Variants in DOK6 observed in about 807,000 individuals in gnomAD.
The protein encoded by DOK6 is downstream of tyrosine kinase 6.
DOK6 carries 22 observed loss-of-function variants against 44.0 expected under a neutral mutation model. The observed-to-expected ratio is 0.50, with a 90% CI of 0.36 to 0.71. The LOEUF is 0.71. Ranked by LOEUF, DOK6 falls within the 30% of genes least tolerant of loss-of-function variation. DOK6 has a pLI of 0.00. For synonymous variants in DOK6, 166 were observed against 145.5 expected (o/e 1.14, Z -1.01); for missense variants, 340 against 416.4 (o/e 0.82, Z 1.60).
chr18:69,548,988 G>A (rs1013681805), intron 1 of DOK6, among the ~76,000 whole-genome samples: 1 of 150,588 alleles, frequency 6.6e-6, no homozygotes. Flanking sequence ...CCAGCTACTC[G>A]GGAGGCTGAG....
chr18:69,547,164 G>T lies in DOK6; in HGVS notation c.67-17323G>T, dbSNP rs998913644. On this transcript the variant is annotated intron_variant, in intron 1 of 7. Transcript: ENST00000382713. ...TTGCCAGGCTGGAGTGCAGTGGTGT[G>T]ATCTTGGCTCACTGCAACCTCTGCC... 2.0e-5 allele frequency among the ~76,000 whole-genome samples: 3 copies of T among 151,574 alleles called. 1 individual carries two copies. Among genetic ancestry groups the T allele is most frequent in the Non-Finnish European group, 4.4e-5 (3 of 67,760 alleles).
chr18:69,665,654 A>C (rs1858438606), intron 3 of DOK6, among the ~76,000 whole-genome samples: 1 of 152,224 alleles, frequency 6.6e-6, no homozygotes, highest in Non-Finnish European at 1.5e-5. Context: ...CTAGAAGCTC[A>C]AGGATGATTT....
At chr18:69,719,571 G>A (rs995196509) in intron 5 of DOK6, among the ~76,000 whole-genome samples, 20 of 152,158 alleles carry the variant, frequency 1.3e-4, no homozygotes, top group Non-Finnish European at 1.5e-5. Flanking sequence ...CTGCATCTTA[G>A]CAGATTTCAG....
At chr18:69,757,378 A>G (rs11662706) in intron 6 of DOK6, among the ~76,000 whole-genome samples, 3,670 of 152,314 alleles carry the variant, frequency 0.024, 77 homozygotes, top group South Asian at 0.092. Flanking sequence ...TTATTTTACA[A>G]CTCTGTAAAT....
intron 1 of DOK6, among the ~76,000 whole-genome samples, chr18:69,464,304 G>T (rs571615733): frequency 2.0e-5 from 3 of 152,296 alleles, no homozygotes; most frequent in African/African-American, 4.8e-5. Context: ...CTTGGCAAAA[G>T]CTTGTCTGGG....
At chr18:69,428,898 A>T (rs987378038) in intron 1 of DOK6, among the ~76,000 whole-genome samples, 1 of 152,248 alleles carries the variant, frequency 6.6e-6, no homozygotes, top group Non-Finnish European at 1.5e-5. Context: ...ATCATCATTC[A>T]TGTTTATTAG....
intron 1 of DOK6, among the ~76,000 whole-genome samples, chr18:69,555,254 T>C (rs1392286590): frequency 6.6e-6 from 1 of 152,228 alleles, no homozygotes; most frequent in Non-Finnish European, 1.5e-5. Flanking sequence ...ACATGAATAT[T>C]AAGGATCCAC....
intron 1 of DOK6, among the ~76,000 whole-genome samples, chr18:69,513,250 A>G (rs565871351): frequency 6.6e-6 from 1 of 152,364 alleles, no homozygotes; most frequent in African/African-American, 2.4e-5. Flanking sequence ...GATTGTTGCC[A>G]TGTTTTAGAA....
intron 6 of DOK6, among the ~76,000 whole-genome samples, chr18:69,750,257 A>G (rs2144747917): frequency 6.6e-6 from 1 of 152,042 alleles, no homozygotes; most frequent in East Asian, 1.9e-4. Context: ...GATGGAGGTG[A>G]GGTTGAACAT....
intron 3 of DOK6, among the ~76,000 whole-genome samples, chr18:69,617,590 C>CAGAG (rs36190504): frequency 0.5 from 69,110 of 137,732 alleles, 18,263 homozygotes; most frequent in South Asian, 0.63. Context: ...GAGAGAGAGA[C>CAGAG]AGAAAAGACT....
At chr18:69,737,721 T>A (rs896647702) in intron 5 of DOK6, among the ~76,000 whole-genome samples, 1 of 152,094 alleles carries the variant, frequency 6.6e-6, no homozygotes, top group African/African-American at 2.4e-5. Context: ...GAGACAAAAA[T>A]CCCTCCTGTA....
At chr18:69,756,937 A>G (rs1431742980) in intron 6 of DOK6, among the ~76,000 whole-genome samples, 1 of 152,228 alleles carries the variant, frequency 6.6e-6, no homozygotes, top group Non-Finnish European at 1.5e-5. Context: ...TGGGTCAGAG[A>G]CATGTGTGCC....
intron 7 of DOK6, among the ~76,000 whole-genome samples, chr18:69,807,540 T>C (rs184269041): frequency 4.3e-4 from 66 of 152,040 alleles, no homozygotes; most frequent in Admixed American, 7.2e-4. Context: ...ATATGCTGCT[T>C]ATAAGAGACT....
intron 1 of DOK6, among the ~76,000 whole-genome samples, chr18:69,429,616 GATACATATATATATATATAT>G (rs1306680232): frequency 1.8e-4 from 14 of 78,152 alleles, no homozygotes; most frequent in Admixed American, 1.0e-3. Context: ...AATATTGAGG[GATACATATATATATATATAT>G]ATATATATAT....
At chr18:69,622,798 C>A (rs1484102132) in intron 3 of DOK6, among the ~76,000 whole-genome samples, 1 of 152,086 alleles carries the variant, frequency 6.6e-6, no homozygotes, top group Non-Finnish European at 1.5e-5. Context: ...AACTTTAAAA[C>A]AATTATTGAT....
Position 69,637,100 on chromosome 18 carries a change from C to T in DOK6, c.289+37602C>T, listed in dbSNP as rs202184679. Among the ~76,000 whole-genome samples, 32 of 152,328 alleles carry T rather than the reference C, an allele frequency of 2.1e-4. No individual in the cohort carries two copies. The East Asian group carries it at 6.0e-3, about 29-fold the overall frequency. ...TACCCAGAGCAGTCAGCAGGGAGCT[C>T]CCCAAGCTTGGCCTCCGCTCTGTGC... On this transcript the variant is annotated intron_variant, in intron 3 of 7. Transcript: ENST00000382713.
intron 6 of DOK6, among the ~76,000 whole-genome samples, chr18:69,747,530 C>T (rs1406867658): frequency 6.6e-6 from 1 of 151,968 alleles, no homozygotes; most frequent in South Asian, 2.1e-4. Flanking sequence ...CTTAGGTCTT[C>T]TCAAGGGATA....
chr18:69,796,875 T>C (rs1283706793), intron 7 of DOK6, among the ~76,000 whole-genome samples: 1 of 152,210 alleles, frequency 6.6e-6, no homozygotes, highest in Non-Finnish European at 1.5e-5. Flanking sequence ...CTAAGGCTGA[T>C]GTCTTGAAAA....
chr18:69,593,779 C>A (rs1425711252), intron 2 of DOK6, among the ~76,000 whole-genome samples: 1 of 152,072 alleles, frequency 6.6e-6, no homozygotes, highest in Non-Finnish European at 1.5e-5. Flanking sequence ...CAAGTAAAAA[C>A]CTTTGGAAAA....
Sources: allele counts gnomAD v4.1 joint callset (sites outside exome capture counted in the v4.1 genomes callset), GRCh38; gene constraint gnomAD v4.1.1; transcripts MANE v1.5; gene names NCBI Gene and HGNC (gene_info 2026-07-23, HGNC 2026-07-21).